Variants in MCM3AP observed in about 807,000 individuals in gnomAD.
MCM3AP encodes minichromosome maintenance complex component 3 associated protein.
MCM3AP carries 126 observed loss-of-function variants against 184.1 expected under a neutral mutation model. The ratio of observed to expected loss-of-function variants is 0.68; its 90% CI spans 0.59 to 0.79. The LOEUF (loss-of-function observed/expected upper bound fraction) is 0.79. Among genes scored for constraint, MCM3AP ranks in the 30% least tolerant of loss-of-function variants. The pLI, the probability that MCM3AP is intolerant of heterozygous loss-of-function variation, is 0.00. For missense variants in MCM3AP, 2,496 were observed against 2,479.2 expected, an observed-to-expected ratio of 1.01 and a Z score of -0.14; for synonymous variants, 1,002 against 979.3, an observed-to-expected ratio of 1.02 and a Z score of -0.43.
In MCM3AP at chr21:46,267,046, G is replaced by A. The variant is rs199629926; in HGVS notation, c.2725C>T (p.Leu909=). Residue 909 remains leucine, a synonymous_variant, in exon 10 of 28, where the codon CTG becomes TTG. Transcript: ENST00000291688. ...GTGGCCTCTTCACAGTCTCTGAACA[G>A]CAGCATGCGCACCACACCATCCAGG... The part of the protein sequence containing the change: ...FPLDGVVRML[L]FRDCEEATDF... 5.0e-6 allele frequency: 8 copies of A among 1,614,080 alleles called. No individual in the cohort carries two copies. The highest frequency in any genetic ancestry group is 5.9e-6 in the Non-Finnish European group (7 of 1,180,032).
Position 46,277,631 on chromosome 21 carries a change from A to G in MCM3AP, c.1754T>C (p.Leu585Pro). The G allele has an allele frequency of 6.2e-7, 1 of 1,612,188 alleles. No individual in the cohort carries two copies. Among genetic ancestry groups the G allele is most frequent in the Non-Finnish European group, 8.5e-7 (1 of 1,179,144 alleles). The change falls in exon 5 of 28, where the codon CTC becomes CCC. Residue 585 changes from leucine (L) to proline (P), a missense_variant. Physicochemically the swap from Leu to Pro is moderately conservative, Grantham distance 98. Around this residue, in one of 5 missense-constraint regions of MCM3AP, gnomAD observed 800 missense variants for 717.1 expected, o/e 1.12. Coordinates refer to ENST00000291688, the MANE Select transcript of MCM3AP (RefSeq NM_003906.5). ...FDSASEGSEG[L>P]GPCVLSLSTL... ...ACTGAGGGAGAGCACACATGGCCCG[A>G]GGCCCTCGGAGCCCTCGGAGGCTGA...
At chr21:46,284,045 T>C (rs373029748) in intron 1 of MCM3AP, 23 bp downstream of exon 1, 12 of 1,602,552 alleles carry the variant, frequency 7.5e-6, no homozygotes, top group South Asian at 5.6e-5. Context: ...ATTTACTCTA[T>C]GTGCTACATT....
At position 46,254,370 on chromosome 21, in the gene MCM3AP, A is replaced by G. The variant is rs1271057284; in HGVS notation, c.4136+22T>C. 6 of 1,612,766 alleles carry G rather than the reference A, an allele frequency of 3.7e-6. No individual in the cohort carries two copies. The Admixed American group carries it at 8.4e-5, about 22-fold the overall frequency. ...GCCCACTCCACCTCTTGGAAACCCC[A>G]CAGGGGAAAACCCTTCCTGACCTGC... On this transcript the variant is annotated intron_variant, in intron 19 of 27. Transcript: ENST00000291688.
intron 25 of MCM3AP, chr21:46,241,242 A>T (rs956118863): frequency 1.5e-5 from 8 of 528,068 alleles, no homozygotes; most frequent in Non-Finnish European, 2.7e-5. Flanking sequence ...CACTGTAGGG[A>T]CCCTTATGCA....
chr21:46,268,553 C>G (rs904292899), intron 9 of MCM3AP, among the ~76,000 whole-genome samples: 2 of 152,210 alleles, frequency 1.3e-5, no homozygotes, highest in Non-Finnish European at 2.9e-5. Context: ...AGGGCGGCAG[C>G]CAAGCCTCGC....
intron 15 of MCM3AP, 165 bp from the exon 16 acceptor site, chr21:46,259,256 C>G (rs905375972): frequency 8.6e-6 from 5 of 580,818 alleles, no homozygotes; most frequent in Non-Finnish European, 1.5e-5. Flanking sequence ...GAGATCCAGA[C>G]CATCCTGGCT....
intron 27 of MCM3AP, 150 bp from the exon 28 acceptor site, chr21:46,235,576 C>A (rs1242297630): frequency 3.1e-6 from 2 of 637,854 alleles, no homozygotes; most frequent in East Asian, 5.5e-5. Flanking sequence ...CTTTGTATAT[C>A]CTTCCAGCCT....
chr21:46,275,096 TA>T, intron 6 of MCM3AP, 89 bp downstream of exon 6: 11 of 1,425,280 alleles, frequency 7.7e-6, no homozygotes, highest in Non-Finnish European at 1.0e-5. Flanking sequence ...CAACACTGTC[TA>T]AAACAAACAC....
At chr21:46,246,213 C>A (rs2123831889) in intron 22 of MCM3AP, 94 bp downstream of exon 22, 1 of 763,530 alleles carries the variant, frequency 1.3e-6, no homozygotes. Context: ...AAGAAAAAGA[C>A]AATGCAAACG....
chr21:46,237,454 G>T (rs2080566217), intron 26 of MCM3AP, among the ~76,000 whole-genome samples: 1 of 51,634 alleles, frequency 1.9e-5, no homozygotes, highest in Non-Finnish European at 4.0e-5. Flanking sequence ...GGCCAGGCCG[G>T]AGTGCAGTGT....
chr21:46,266,315 G>A (rs538278619), intron 10 of MCM3AP, 149 bp from the exon 11 acceptor site: 16 of 789,186 alleles, frequency 2.0e-5, no homozygotes, highest in Middle Eastern at 3.9e-4. Context: ...TCCCACTGCC[G>A]CCCACCCTGG....
Position 46,256,792 on chromosome 21 carries a change from G to A in MCM3AP, c.3929C>T (p.Thr1310Ile). The A allele has an allele frequency of 2.6e-6, 4 of 1,551,848 alleles. No homozygotes were observed. The highest frequency in any genetic ancestry group is 3.5e-6 in the Non-Finnish European group (4 of 1,147,556). ...GHAGRLGISC[T>I]RLRRLRNKTA... ...GCAGGCGACAGCTGATGCTGACCTGGTGCAGGAGATGCCCAATCTCCCTGC... is the reference window on the plus strand; with the variant it reads ...GCAGGCGACAGCTGATGCTGACCTGATGCAGGAGATGCCCAATCTCCCTGC... Residue 1310 changes from threonine to isoleucine, a missense_variant, in exon 17 of 28, where the codon ACC (threonine) becomes ATC (isoleucine). Thr to Ile is a moderately conservative substitution (Grantham distance 89). Transcript: ENST00000291688.
intron 12 of MCM3AP, 127 bp downstream of exon 12, chr21:46,265,194 G>GCA: frequency 1.3e-6 from 1 of 790,790 alleles, no homozygotes. Context: ...GTGACTCTAG[G>GCA]CAGGACCCCT....
intron 20 of MCM3AP, among the ~76,000 whole-genome samples, chr21:46,248,040 T>C (rs1396384940): frequency 2.0e-5 from 3 of 152,044 alleles, no homozygotes; most frequent in Non-Finnish European, 4.4e-5. Context: ...AAGCAGCAAA[T>C]AGGTGTGACC....
intron 16 of MCM3AP, among the ~76,000 whole-genome samples, 195 bp from the exon 17 acceptor site, chr21:46,257,181 A>C (rs1411041846): frequency 6.6e-6 from 1 of 152,204 alleles, no homozygotes; most frequent in Non-Finnish European, 1.5e-5. Flanking sequence ...CAGATTTAAG[A>C]TACATATACC....
rs768022934 is a variant in MCM3AP at position 46,270,423 on chromosome 21, A to C, written c.2606T>G (p.Leu869Arg). Residue 869 changes from leucine (L) to arginine (R), a missense_variant, in exon 9 of 28, where the codon CTT (leucine) becomes CGT (arginine). Transcript: ENST00000291688. ...VQSASYLNAC[L>R]LHCYFSQIRK... ...CACCTGACTGAAGTAACAGTGTAAA[A>C]GACAAGCGTTCAGGTAAGAAGCTGA... 6.2e-7 allele frequency: 1 copy of C among 1,613,390 alleles called. No individual in the cohort carries two copies. Among genetic ancestry groups the C allele is most frequent in the South Asian group, 1.1e-5 (1 of 90,830 alleles).
chr21:46,286,156 C>T (rs2081422284), upstream of MCM3AP: 2 of 152,400 alleles, frequency 1.3e-5, no homozygotes, highest in South Asian at 2.1e-4. Context: ...CTCACCGTCT[C>T]GCCCCAGGAC....
At chr21:46,250,815 A>G (rs534944605) in intron 20 of MCM3AP, 8 of 152,390 alleles carry the variant, frequency 5.2e-5, no homozygotes, top group African/African-American at 1.7e-4. Flanking sequence ...CATTATTTTA[A>G]GCTGCTATGT....
intron 19 of MCM3AP, 101 bp downstream of exon 19, chr21:46,254,291 G>C (rs1035155313): frequency 7.7e-5 from 98 of 1,271,224 alleles, no homozygotes; most frequent in Non-Finnish European, 1.1e-4. Context: ...CTACACTTCC[G>C]AGTTCCCATC....
Sources: gnomAD v4.1 joint callset for allele counts (sites outside exome capture counted in the v4.1 genomes callset) on GRCh38, gnomAD v4.1.1 for gene constraint, gnomAD v4.1.1 regional missense constraint, MANE v1.5 for transcripts, NCBI Gene and HGNC (gene_info 2026-07-23, HGNC 2026-07-21) for gene names.